Variants in TNR observed in about 807,000 individuals in gnomAD.
TNR encodes tenascin R, also known as tenascin-R.
TNR carries 45 observed loss-of-function variants against 150.4 expected under a neutral mutation model. The observed-to-expected ratio is 0.30, with a 90% CI of 0.24 to 0.38. The LOEUF is 0.38. Ranked by LOEUF, TNR falls within the 10% of genes least tolerant of loss-of-function variation. The probability of loss-of-function intolerance (pLI) is 1.00; values close to 1 mark genes in which losing one functional copy is unlikely to be tolerated. For missense variants in TNR, 1,544 were observed against 1,759.1 expected (o/e 0.88, Z 2.19); for synonymous variants, 687 against 678.4 (o/e 1.01, Z -0.20).
intron 2 of TNR, among the ~76,000 whole-genome samples, chr1:175,418,709 C>T (rs1381213933): frequency 1.5e-5 from 2 of 137,442 alleles, no homozygotes; most frequent in African/African-American, 2.9e-5. Flanking sequence ...GGTGACAGAG[C>T]GAGAGAGAGA....
intron 2 of TNR, among the ~76,000 whole-genome samples, chr1:175,471,482 A>C (rs746355843): frequency 7.2e-5 from 11 of 152,240 alleles, no homozygotes; most frequent in Admixed American, 3.9e-4. Flanking sequence ...CCTGCGGAGC[A>C]TGTTACTGTA....
intron 9 of TNR, among the ~76,000 whole-genome samples, chr1:175,370,277 T>G (rs1308595427): frequency 6.6e-6 from 1 of 151,192 alleles, no homozygotes; most frequent in Admixed American, 6.6e-5. Context: ...TGCCTGGATC[T>G]TAGCGGTAGT....
intron 2 of TNR, among the ~76,000 whole-genome samples, chr1:175,503,259 A>T (rs1433491954): frequency 1.3e-5 from 2 of 152,210 alleles, no homozygotes; most frequent in Non-Finnish European, 2.9e-5. Flanking sequence ...CTGAGGATGG[A>T]TCCCAACCAA....
chr1:175,704,379 T>C (rs1666784452), intron 1 of TNR, among the ~76,000 whole-genome samples: 1 of 152,152 alleles, frequency 6.6e-6, no homozygotes, highest in Non-Finnish European at 1.5e-5. Flanking sequence ...AGAATTTGGA[T>C]CTGGAAAGCT....
chr1:175,545,944 T>A (rs140548815), intron 1 of TNR, among the ~76,000 whole-genome samples: 1,619 of 152,102 alleles, frequency 0.011, 22 homozygotes, highest in African/African-American at 0.036. Context: ...CAGGGAAGTA[T>A]AAAGAGTGTG....
At chr1:175,711,146 G>T (rs1382596165) in intron 1 of TNR, among the ~76,000 whole-genome samples, 1 of 152,164 alleles carries the variant, frequency 6.6e-6, no homozygotes, top group Non-Finnish European at 1.5e-5. Flanking sequence ...GAAATAAGTA[G>T]ACTATATACT....
intron 1 of TNR, among the ~76,000 whole-genome samples, chr1:175,616,816 T>C (rs989656029): frequency 6.6e-6 from 1 of 152,194 alleles, no homozygotes; most frequent in African/African-American, 2.4e-5. Context: ...ACCTCCTGTG[T>C]GGCTGACTGC....
At chr1:175,625,419 A>T (rs146379345) in intron 1 of TNR, among the ~76,000 whole-genome samples, 2 of 152,314 alleles carry the variant, frequency 1.3e-5, no homozygotes, top group Admixed American at 6.5e-5. Flanking sequence ...ACTAGCTTGC[A>T]CTGGGTCTGT....
intron 2 of TNR, among the ~76,000 whole-genome samples, chr1:175,449,493 T>C (rs1401123866): frequency 6.6e-6 from 1 of 152,182 alleles, no homozygotes. Flanking sequence ...TATTCAGTGG[T>C]TCTGCAGACC....
intron 1 of TNR, among the ~76,000 whole-genome samples, chr1:175,652,535 T>G (rs754118801): frequency 6.6e-6 from 1 of 152,204 alleles, no homozygotes; most frequent in African/African-American, 2.4e-5. Flanking sequence ...CAGAGGGGCC[T>G]GGTGGGAGGT....
intron 1 of TNR, among the ~76,000 whole-genome samples, chr1:175,666,771 C>T (rs1283072526): frequency 1.3e-5 from 2 of 152,312 alleles, no homozygotes; most frequent in South Asian, 2.1e-4. Flanking sequence ...TTTATAGAGA[C>T]AGGTTCTCTT....
intron 6 of TNR, 137 bp from the exon 7 acceptor site, chr1:175,391,575 T>A: frequency 1.0e-6 from 1 of 973,642 alleles, no homozygotes; most frequent in Non-Finnish European, 1.5e-6. Context: ...TCCTCCATGC[T>A]GACAGCTGAG....
At position 175,319,406 on chromosome 1, in the gene TNR, T is replaced by TCCATGGG. The variant is rs2101973886; in HGVS notation, c.*3950_*3951insCCCATGG. 1 of 152,380 alleles carries TCCATGGG rather than the reference T, an allele frequency of 6.6e-6. No individual in the cohort carries two copies. Among genetic ancestry groups the TCCATGGG allele is most frequent in the South Asian group, 2.1e-4 (1 of 4,830 alleles). The allele number at this position is 152,380 out of a possible 1,614,324, so 9.4% of individuals were successfully genotyped here. A position where few individuals can be genotyped will look rare whatever the true frequency, so the allele number is the denominator to read the frequency against. Reference sequence around the variant, plus strand: ...AGATTCCACAATGACTTTTTGTCCCTTAATCTACAGCTCTGCTCTGAGACT... The same window carrying TCCATGGG: ...AGATTCCACAATGACTTTTTGTCCCTCCATGGGTAATCTACAGCTCTGCTCTGAGACT... On this transcript the variant is annotated 3_prime_UTR_variant, in exon 23 of 23. Coordinates refer to ENST00000367674, the MANE Select transcript of TNR (RefSeq NM_003285.3).
intron 1 of TNR, among the ~76,000 whole-genome samples, chr1:175,667,104 CCTT>C (rs916848587): frequency 6.6e-6 from 1 of 152,180 alleles, no homozygotes; most frequent in African/African-American, 2.4e-5. Context: ...CCTTCCTCAT[CCTT>C]CTTCACCACT....
rs1300598932 is a variant in TNR at position 175,742,197 on chromosome 1, T to C, written c.-165+1029A>G. 3.3e-5 allele frequency among the ~76,000 whole-genome samples: 5 copies of C among 151,950 alleles called. No individual in the cohort carries two copies. The East Asian group carries it at 7.7e-4, about 23-fold the overall frequency. On this transcript the variant is annotated intron_variant, in intron 1 of 22. Transcript: ENST00000367674. ...GAGGCAGAAAGCAGGAGAGACAGAGTAATACCTTGCAAAAAGTAGCAGCAG... is the reference window on the plus strand; with the variant it reads ...GAGGCAGAAAGCAGGAGAGACAGAGCAATACCTTGCAAAAAGTAGCAGCAG...
chr1:175,413,953 C>T (rs1246947748), intron 2 of TNR, among the ~76,000 whole-genome samples: 2 of 152,022 alleles, frequency 1.3e-5, no homozygotes, highest in East Asian at 1.9e-4. Flanking sequence ...GGCAACATGG[C>T]GAAACCATGC....
chr1:175,605,363 C>T (rs1031874599), intron 1 of TNR, among the ~76,000 whole-genome samples: 46 of 152,264 alleles, frequency 3.0e-4, no homozygotes, highest in African/African-American at 1.0e-3. Context: ...AGCACTGTGC[C>T]TGGGTCAATA....
At chr1:175,562,016 A>G (rs1457827510) in intron 1 of TNR, among the ~76,000 whole-genome samples, 1 of 152,166 alleles carries the variant, frequency 6.6e-6, no homozygotes, top group Non-Finnish European at 1.5e-5. Context: ...GAAAAATTAC[A>G]TGACTTCCTG....
At chr1:175,469,762 C>T (rs1487427365) in intron 2 of TNR, among the ~76,000 whole-genome samples, 1 of 151,834 alleles carries the variant, frequency 6.6e-6, no homozygotes, top group Non-Finnish European at 1.5e-5. Flanking sequence ...TATGGGAGAC[C>T]TGGGTTTTAG....
Sources: allele counts gnomAD v4.1 joint callset (sites outside exome capture counted in the v4.1 genomes callset), GRCh38; gene constraint gnomAD v4.1.1; transcripts MANE v1.5; gene names NCBI Gene and HGNC (gene_info 2026-07-23, HGNC 2026-07-21).